NEXMIF: variants seen among roughly 807,000 people sequenced by gnomAD.
NEXMIF encodes the protein XLMR protein related to neurite extension.
In NEXMIF, 8 loss-of-function variants were observed where a neutral mutation model predicts 62.1. The observed-to-expected ratio is 0.13, with a 90% CI of 0.08 to 0.23. The LOEUF (loss-of-function observed/expected upper bound fraction) is 0.23. Among genes scored for constraint, NEXMIF ranks in the 10% least tolerant of loss-of-function variants. The pLI, the probability that NEXMIF is intolerant of heterozygous loss-of-function variation, is 1.00. For missense variants in NEXMIF, 976 were observed against 1,113.3 expected (o/e 0.88, Z 1.75); for synonymous variants, 404 against 416.6 (o/e 0.97, Z 0.37).
chrX:74,857,673 C>G (rs912878709), intron 1 of NEXMIF, among the ~76,000 whole-genome samples: 14 of 112,004 alleles, frequency 1.2e-4, no homozygotes, highest in Admixed American at 1.2e-3. Flanking sequence ...GGTACCAACT[C>G]AGCCACAGGG....
chrX:74,881,318 T>C (rs962186721), intron 1 of NEXMIF, among the ~76,000 whole-genome samples: 1 of 109,156 alleles, frequency 9.2e-6, no homozygotes, highest in African/African-American at 3.4e-5. Flanking sequence ...ACAGTGATAC[T>C]CTTAAGGTAC....
chrX:74,765,568 T>C (rs932159014), intron 1 of NEXMIF, among the ~76,000 whole-genome samples: 4 of 111,679 alleles, frequency 3.6e-5, no homozygotes, highest in Admixed American at 9.6e-5. Context: ...GGTAGCAGCC[T>C]TTCCTTTCCA....
chrX:74,806,128 A>C (rs2080344169), intron 1 of NEXMIF, among the ~76,000 whole-genome samples: 1 of 111,478 alleles, frequency 9.0e-6, no homozygotes, highest in African/African-American at 3.3e-5. Flanking sequence ...TATTCTCTTA[A>C]CAGTGTTTTT....
chrX:74,907,310 C>T (rs1399541599), intron 1 of NEXMIF, among the ~76,000 whole-genome samples: 1 of 103,399 alleles, frequency 9.7e-6, no homozygotes, highest in Non-Finnish European at 1.9e-5. Context: ...TAAGTAAAGC[C>T]CTTGTGTGTT....
intron 1 of NEXMIF, among the ~76,000 whole-genome samples, chrX:74,824,981 T>C (rs897173548): frequency 1.8e-5 from 2 of 111,299 alleles, no homozygotes; most frequent in African/African-American, 6.5e-5. Context: ...CAGTTTTCCA[T>C]AATGGCTGTA....
chrX:74,845,551 G>A (rs935788607), intron 1 of NEXMIF, among the ~76,000 whole-genome samples: 1 of 111,121 alleles, frequency 9.0e-6, no homozygotes, highest in Non-Finnish European at 1.9e-5. Context: ...GAAAGGGAGA[G>A]TGTAGATGCT....
At chrX:74,898,453 C>T (rs1207427241) in intron 1 of NEXMIF, among the ~76,000 whole-genome samples, 4 of 111,191 alleles carry the variant, frequency 3.6e-5, no homozygotes, top group Admixed American at 9.6e-5. Flanking sequence ...CCTAAGGAGA[C>T]GTGATAGCTA....
rs765097062 is a variant in NEXMIF at position 74,797,173 on chromosome X, G to T, written c.-47-51476C>A. ...GACCAGTACTCTTAAAAATCTTAAC[G>T]TTATGGAAAAGCAGAGAAACTGCCA... On this transcript the variant is annotated intron_variant, in intron 1 of 3. Coordinates refer to ENST00000055682, the MANE Select transcript of NEXMIF (RefSeq NM_001008537.3). 2.7e-5 allele frequency among the ~76,000 whole-genome samples: 3 copies of T among 111,801 alleles called. No individual in the cohort carries two copies. In the South Asian group the frequency reaches 1.1e-3, roughly 42 times the overall value.
chrX:74,872,327 A>G (rs916944853), intron 1 of NEXMIF, among the ~76,000 whole-genome samples: 5 of 109,919 alleles, frequency 4.5e-5, no homozygotes, highest in Non-Finnish European at 9.5e-5. Context: ...CCAGGCACAG[A>G]AAGACAAACT....
intron 1 of NEXMIF, among the ~76,000 whole-genome samples, chrX:74,856,012 A>G (rs1380961374): frequency 8.9e-6 from 1 of 112,437 alleles, no homozygotes; most frequent in East Asian, 2.8e-4. Context: ...TCAACAAAAC[A>G]CCATTATGAA....
chrX:74,860,064 G>T (rs1482620104), intron 1 of NEXMIF, among the ~76,000 whole-genome samples: 1 of 111,066 alleles, frequency 9.0e-6, no homozygotes, highest in Non-Finnish European at 1.9e-5. Flanking sequence ...ACTGTAAATG[G>T]ACTAATCTCT....
At chrX:74,777,348 G>T (rs1386635543) in intron 1 of NEXMIF, among the ~76,000 whole-genome samples, 1 of 111,331 alleles carries the variant, frequency 9.0e-6, no homozygotes, top group East Asian at 2.8e-4. Flanking sequence ...TGGGGTACAC[G>T]TGATAATTTG....
intron 1 of NEXMIF, among the ~76,000 whole-genome samples, chrX:74,814,201 T>C (rs984860115): frequency 4.5e-5 from 5 of 111,740 alleles, no homozygotes; most frequent in African/African-American, 1.3e-4. Context: ...AGAAAAACTC[T>C]TGAGTCCAAA....
chrX:74,835,083 G>A (rs1432015530), intron 1 of NEXMIF, among the ~76,000 whole-genome samples: 3 of 112,054 alleles, frequency 2.7e-5, no homozygotes, highest in African/African-American at 9.7e-5. Context: ...GTTCTGCTAA[G>A]AGACTCTGAT....
Position 74,740,211 on chromosome X carries a change from C to T in NEXMIF, c.4346G>A (p.Arg1449His), listed in dbSNP as rs778760434. 17 of 1,209,201 alleles carry T rather than the reference C, an allele frequency of 1.4e-5. No individual in the cohort carries two copies. The highest frequency in any genetic ancestry group is 5.9e-5 in the East Asian group (2 of 33,766). The change falls in exon 3 of 4, where the codon CGT (arginine) becomes CAT (histidine). Residue 1449 changes from arginine (R) to histidine (H), a missense_variant. Around this residue, in one of 5 missense-constraint regions of NEXMIF, gnomAD observed 137 missense variants for 128.9 expected, o/e 1.06. Coordinates refer to ENST00000055682, the MANE Select transcript of NEXMIF (RefSeq NM_001008537.3). ...CAGGGCCTTGGAGCTGGATTTGTGA[C>T]GATACAACTTTTTGTGTGTCGGTCC... Reference protein sequence around the residue: ...NNGPTHKKLYRHKSSSKALRD... With the variant: ...NNGPTHKKLYHHKSSSKALRD...
chrX:74,901,788 C>T (rs774377644), intron 1 of NEXMIF, among the ~76,000 whole-genome samples: 30 of 111,485 alleles, frequency 2.7e-4, no homozygotes, highest in Middle Eastern at 4.7e-3. Context: ...CTACAAATGA[C>T]TTACAGCTCC....
intron 1 of NEXMIF, among the ~76,000 whole-genome samples, chrX:74,875,204 G>A (rs1182661877): frequency 2.8e-4 from 31 of 110,810 alleles, no homozygotes; most frequent in Non-Finnish European, 5.1e-4. Context: ...TTAGCATGAA[G>A]GGTTGTTGAA....
At chrX:74,863,418 C>G (rs747427014) in intron 1 of NEXMIF, among the ~76,000 whole-genome samples, 4 of 110,839 alleles carry the variant, frequency 3.6e-5, no homozygotes, top group Non-Finnish European at 5.7e-5. Context: ...CAAATAAACA[C>G]AACAAAAATG....
At chrX:74,833,781 C>T (rs935054381) in intron 1 of NEXMIF, among the ~76,000 whole-genome samples, 3 of 111,073 alleles carry the variant, frequency 2.7e-5, no homozygotes, top group African/African-American at 9.8e-5. Context: ...CTTGCAAATA[C>T]GATTTTATAA....
Sources: gnomAD v4.1 joint callset for allele counts (sites outside exome capture counted in the v4.1 genomes callset) on GRCh38, gnomAD v4.1.1 for gene constraint, gnomAD v4.1.1 regional missense constraint, MANE v1.5 for transcripts, NCBI Gene and HGNC (gene_info 2026-07-23, HGNC 2026-07-21) for gene names.